LMX1A: variants seen among roughly 807,000 people sequenced by gnomAD.
The protein encoded by LMX1A is LIM homeobox transcription factor 1 alpha.
In LMX1A, 15 loss-of-function variants were observed where a neutral mutation model predicts 49.1. The observed-to-expected ratio is 0.31, with a 90% CI of 0.20 to 0.47. The LOEUF (loss-of-function observed/expected upper bound fraction) is 0.47. Among genes scored for constraint, LMX1A ranks in the 20% least tolerant of loss-of-function variants. LMX1A has a pLI of 1.00. For missense variants in LMX1A, 372 were observed against 475.8 expected, an observed-to-expected ratio of 0.78 and a Z score of 2.03; for synonymous variants, 167 against 185.7, an observed-to-expected ratio of 0.90 and a Z score of 0.82.
At chr1:165,300,971 C>T (rs1654758108) in intron 3 of LMX1A, among the ~76,000 whole-genome samples, 2 of 152,148 alleles carry the variant, frequency 1.3e-5, no homozygotes, top group East Asian at 3.8e-4. Flanking sequence ...AGTTTGACAG[C>T]AGTAGGCTCA....
intron 4 of LMX1A, among the ~76,000 whole-genome samples, chr1:165,242,523 T>C (rs1272794783): frequency 6.7e-6 from 1 of 150,302 alleles, no homozygotes; most frequent in Non-Finnish European, 1.5e-5. Flanking sequence ...GAAATAAAGA[T>C]ATTGTTTGAG....
chr1:165,261,884 C>A (rs537220875), intron 3 of LMX1A, among the ~76,000 whole-genome samples: 1 of 152,110 alleles, frequency 6.6e-6, no homozygotes, highest in South Asian at 2.1e-4. Flanking sequence ...TGAAGAGGTA[C>A]TATTTAATGA....
chr1:165,305,257 C>T (rs973387833), intron 3 of LMX1A, among the ~76,000 whole-genome samples: 2 of 152,074 alleles, frequency 1.3e-5, no homozygotes, highest in African/African-American at 2.4e-5. Context: ...TCGATGGACT[C>T]GTCGACACAT....
At chr1:165,331,453 A>G (rs1655739774) in intron 3 of LMX1A, among the ~76,000 whole-genome samples, 1 of 152,240 alleles carries the variant, frequency 6.6e-6, no homozygotes, top group Non-Finnish European at 1.5e-5. Flanking sequence ...TAATTCATTT[A>G]AATTTAAATG....
At chr1:165,242,948 C>CA (rs953101627) in intron 4 of LMX1A, among the ~76,000 whole-genome samples, 19 of 125,160 alleles carry the variant, frequency 1.5e-4, no homozygotes, top group South Asian at 2.7e-4. Flanking sequence ...AAAAAAAAAA[C>CA]AAAACAAAAA....
At chr1:165,356,206 C>G (rs1571241822) in intron 1 of LMX1A, 149 bp downstream of exon 1, 1 of 152,388 alleles carries the variant, frequency 6.6e-6, no homozygotes, top group Admixed American at 6.5e-5. Context: ...TCCCGCCAGT[C>G]GGCCAGTGCC....
chr1:165,347,441 T>G (rs1006348681), intron 3 of LMX1A, among the ~76,000 whole-genome samples: 1 of 152,170 alleles, frequency 6.6e-6, no homozygotes, highest in African/African-American at 2.4e-5. Context: ...ATGCAGAGGG[T>G]GGGAGAGACA....
At chr1:165,342,889 G>C (rs752962174) in intron 3 of LMX1A, among the ~76,000 whole-genome samples, 8 of 151,962 alleles carry the variant, frequency 5.3e-5, no homozygotes, top group Non-Finnish European at 1.0e-4. Context: ...TGGACCAGGA[G>C]TTAGAGGCTG....
chr1:165,349,198 A>C (rs1442114281), intron 3 of LMX1A, among the ~76,000 whole-genome samples: 3 of 152,226 alleles, frequency 2.0e-5, no homozygotes, highest in Non-Finnish European at 2.9e-5. Context: ...AGAGGGCTTA[A>C]TTATCTATTG....
At chr1:165,206,057 G>C in intron 7 of LMX1A, 23 bp from the exon 8 acceptor site, 2 of 1,512,208 alleles carry the variant, frequency 1.3e-6, no homozygotes, top group Non-Finnish European at 1.8e-6. Flanking sequence ...GAAGAAGCCA[G>C]GTCATTCTCA....
intron 3 of LMX1A, among the ~76,000 whole-genome samples, chr1:165,343,037 G>A (rs1456747139): frequency 6.6e-6 from 1 of 152,162 alleles, no homozygotes; most frequent in African/African-American, 2.4e-5. Flanking sequence ...TTTTAAAACT[G>A]TTGTGAGGAT....
chr1:165,321,844 T>C (rs1481276170), intron 3 of LMX1A, among the ~76,000 whole-genome samples: 1 of 152,110 alleles, frequency 6.6e-6, no homozygotes, highest in Non-Finnish European at 1.5e-5. Context: ...GAGAAAATAT[T>C]TGCAAATCAT....
chr1:165,213,564 ACT>A, intron 5 of LMX1A, 75 bp downstream of exon 5: 1 of 1,354,412 alleles, frequency 7.4e-7, no homozygotes, highest in Non-Finnish European at 1.0e-6. Flanking sequence ...CCCAATGCCC[ACT>A]GAGATCCCAG....
At chr1:165,351,832 G>A (rs1054654538) in intron 3 of LMX1A, among the ~76,000 whole-genome samples, 1 of 152,200 alleles carries the variant, frequency 6.6e-6, no homozygotes, top group Non-Finnish European at 1.5e-5. Flanking sequence ...AGTGCTTTTT[G>A]TTATACAGAG....
chr1:165,335,255 A>G (rs1655864480), intron 3 of LMX1A, among the ~76,000 whole-genome samples: 1 of 152,222 alleles, frequency 6.6e-6, no homozygotes, highest in African/African-American at 2.4e-5. Context: ...GAAACTGTAT[A>G]TGATTTTCTT....
At chr1:165,349,834 G>A (rs1656367247) in intron 3 of LMX1A, among the ~76,000 whole-genome samples, 1 of 152,140 alleles carries the variant, frequency 6.6e-6, no homozygotes, top group Non-Finnish European at 1.5e-5. Context: ...TTAACTGGTT[G>A]CCTAACACCA....
chr1:165,277,994 C>T (rs955784945), intron 3 of LMX1A, among the ~76,000 whole-genome samples: 1 of 152,178 alleles, frequency 6.6e-6, no homozygotes, highest in Non-Finnish European at 1.5e-5. Flanking sequence ...GTGCTAGTTG[C>T]TATTCTAAGA....
intron 4 of LMX1A, among the ~76,000 whole-genome samples, chr1:165,217,263 G>A (rs1394249506): frequency 6.6e-6 from 1 of 152,316 alleles, no homozygotes; most frequent in Non-Finnish European, 1.5e-5. Context: ...AGTTTGTTCA[G>A]AGCCCCAGAG....
At chr1:165,231,886 ATCTGCGAT>A (rs68016806) in intron 4 of LMX1A, among the ~76,000 whole-genome samples, 15,051 of 152,268 alleles carry the variant, frequency 0.099, 984 homozygotes, top group Non-Finnish European at 0.15. Flanking sequence ...ATGATTACAA[ATCTGCGAT>A]TCCTGGGAAT....
Sources: gnomAD v4.1 joint callset for allele counts (sites outside exome capture counted in the v4.1 genomes callset) on GRCh38, gnomAD v4.1.1 for gene constraint, MANE v1.5 for transcripts, NCBI Gene and HGNC (gene_info 2026-07-23, HGNC 2026-07-21) for gene names.